Variants in CXCL13 observed in about 807,000 individuals in gnomAD.
The protein encoded by CXCL13 is C-X-C motif chemokine ligand 13.
In CXCL13, 7 loss-of-function variants were observed where a neutral mutation model predicts 12.2. That is an observed-to-expected ratio of 0.57 (90% confidence interval 0.33 to 1.07). CXCL13 has a LOEUF of 1.07. Among genes scored for constraint, CXCL13 ranks in the 50% least tolerant of loss-of-function variants. The pLI is 0.04. For missense variants in CXCL13, 113 were observed against 127.4 expected (o/e 0.89, Z 0.55); for synonymous variants, 47 against 42.4 (o/e 1.11, Z -0.42).
intron 1 of CXCL13, among the ~76,000 whole-genome samples, chr4:77,524,852 G>A (rs1724721291): frequency 1.3e-5 from 2 of 152,238 alleles, no homozygotes; most frequent in South Asian, 4.2e-4. Flanking sequence ...AGCCATCTTG[G>A]AACAGAGCAC....
chr4:77,557,454 C>T (rs1034760060), intron 1 of CXCL13, among the ~76,000 whole-genome samples: 2 of 152,204 alleles, frequency 1.3e-5, no homozygotes. Flanking sequence ...ACCTCCCAAT[C>T]AGGCATCCTT....
chr4:77,557,217 C>A (rs576345098), intron 1 of CXCL13, among the ~76,000 whole-genome samples: 109 of 152,320 alleles, frequency 7.2e-4, no homozygotes, highest in Non-Finnish European at 1.4e-3. Context: ...GTATTAATAA[C>A]AGGGCCACAA....
chr4:77,538,406 T>A (rs2109799243), intron 1 of CXCL13, among the ~76,000 whole-genome samples: 1 of 150,636 alleles, frequency 6.6e-6, no homozygotes, highest in Non-Finnish European at 1.5e-5. Flanking sequence ...TGTTGTAAGA[T>A]TTATTCAATG....
rs368472095 is a variant in CXCL13 at position 77,563,626 on chromosome 4, G to A, written c.-42-42198G>A. On this transcript the variant is annotated intron_variant, in intron 1 of 4. Transcript: ENST00000286758. ...AATTAACTTCTCTTGAATACAATGA[G>A]TATAACACTCTCAAGAATAGTGGGA... 1.5e-4 allele frequency among the ~76,000 whole-genome samples: 23 copies of A among 152,286 alleles called. No individual in the cohort carries two copies. The South Asian group carries it at 2.5e-3, about 16-fold the overall frequency.
chr4:77,518,582 C>T (rs376532998), intron 1 of CXCL13, among the ~76,000 whole-genome samples: 22 of 152,302 alleles, frequency 1.4e-4, no homozygotes, highest in Middle Eastern at 6.8e-3. Flanking sequence ...TCCAGTTGAT[C>T]GCATCAGCTC....
intron 1 of CXCL13, among the ~76,000 whole-genome samples, chr4:77,554,666 A>G (rs1426697448): frequency 1.3e-5 from 2 of 152,150 alleles, no homozygotes; most frequent in African/African-American, 4.8e-5. Context: ...TCAGATGCAC[A>G]TGGAACACTC....
intron 1 of CXCL13, among the ~76,000 whole-genome samples, chr4:77,522,514 CTTTTTTTTTTTTTTTT>C (rs777857811): frequency 2.0e-4 from 2 of 10,070 alleles, no homozygotes; most frequent in South Asian, 3.6e-3. Context: ...GCAACCCCTG[CTTTTTTTTTTTTTTTT>C]TTTTTTTTTT....
intron 1 of CXCL13, among the ~76,000 whole-genome samples, chr4:77,543,397 C>A (rs544218130): frequency 6.6e-6 from 1 of 151,982 alleles, no homozygotes; most frequent in Non-Finnish European, 1.5e-5. Context: ...CTTCTGCTAG[C>A]TTTGGGGTTA....
intron 1 of CXCL13, among the ~76,000 whole-genome samples, chr4:77,544,889 G>A (rs1002776941): frequency 3.9e-5 from 6 of 152,056 alleles, no homozygotes; most frequent in Non-Finnish European, 8.8e-5. Flanking sequence ...GGTCTAACAT[G>A]CAAGTCTTTA....
intron 1 of CXCL13, among the ~76,000 whole-genome samples, chr4:77,550,616 T>C (rs975518312): frequency 7.2e-5 from 11 of 152,316 alleles, no homozygotes; most frequent in African/African-American, 2.6e-4. Flanking sequence ...GGAGGAGTAT[T>C]CTGTAGATGT....
At chr4:77,596,488 G>T (rs983762840) in intron 1 of CXCL13, among the ~76,000 whole-genome samples, 5 of 152,034 alleles carry the variant, frequency 3.3e-5, no homozygotes, top group African/African-American at 1.2e-4. Context: ...CAAACAAAAT[G>T]AAATCAATAC....
intron 1 of CXCL13, among the ~76,000 whole-genome samples, chr4:77,607,124 C>T (rs1268240171): frequency 1.3e-5 from 2 of 152,138 alleles, no homozygotes; most frequent in Non-Finnish European, 2.9e-5. Context: ...CATGTTATTG[C>T]TCCCAGGACT....
At chr4:77,546,320 A>G (rs922943545) in intron 1 of CXCL13, among the ~76,000 whole-genome samples, 1 of 152,148 alleles carries the variant, frequency 6.6e-6, no homozygotes, top group African/African-American at 2.4e-5. Flanking sequence ...TTCAGAAGTA[A>G]TGGTACCAGC....
At chr4:77,520,999 G>T (rs1048605472) in intron 1 of CXCL13, among the ~76,000 whole-genome samples, 2 of 152,192 alleles carry the variant, frequency 1.3e-5, no homozygotes, top group African/African-American at 4.8e-5. Flanking sequence ...CACTGGTTCT[G>T]TGTATGTGAT....
At chr4:77,607,868 C>T in intron 2 of CXCL13, 33 bp downstream of exon 2, 6 of 1,600,794 alleles carry the variant, frequency 3.7e-6, no homozygotes, top group Admixed American at 1.7e-5. Context: ...ATAAGATTTC[C>T]TTCTCCCAAT....
At chr4:77,596,981 TA>T (rs1726784008) in intron 1 of CXCL13, among the ~76,000 whole-genome samples, 1 of 151,996 alleles carries the variant, frequency 6.6e-6, no homozygotes, top group Non-Finnish European at 1.5e-5. Context: ...ATTCAGCCTT[TA>T]AAAAGATGAA....
intron 1 of CXCL13, among the ~76,000 whole-genome samples, chr4:77,562,733 A>T (rs1445313315): frequency 6.6e-6 from 1 of 152,030 alleles, no homozygotes; most frequent in Non-Finnish European, 1.5e-5. Flanking sequence ...CAAGGTTTGT[A>T]AATGCACCAA....
intron 1 of CXCL13, among the ~76,000 whole-genome samples, chr4:77,564,874 G>A (rs899763730): frequency 7.9e-5 from 12 of 152,200 alleles, no homozygotes; most frequent in African/African-American, 2.2e-4. Flanking sequence ...ATCCTTTGTG[G>A]AGCAAAGTTC....
At chr4:77,579,514 T>G (rs1041383436) in intron 1 of CXCL13, among the ~76,000 whole-genome samples, 8 of 152,210 alleles carry the variant, frequency 5.3e-5, no homozygotes, top group Admixed American at 3.9e-4. Flanking sequence ...CAATGTATTA[T>G]GCTATTGGAG....
Sources: allele counts gnomAD v4.1 joint callset (sites outside exome capture counted in the v4.1 genomes callset), GRCh38; gene constraint gnomAD v4.1.1; transcripts MANE v1.5; gene names NCBI Gene and HGNC (gene_info 2026-07-23, HGNC 2026-07-21).